The following PVR variants were observed in gnomAD, a reference collection of about 807,000 sequenced individuals.
PVR encodes the protein poliovirus receptor.
A neutral mutation model predicts 43.3 loss-of-function variants in PVR; 39 were observed. The observed-to-expected ratio is 0.90, with a 90% CI of 0.70 to 1.18. The LOEUF (loss-of-function observed/expected upper bound fraction) is 1.18, where lower values mean the gene tolerates loss of function less well. Ranked by LOEUF, PVR falls within the 50% of genes most tolerant of loss-of-function variation. PVR has a pLI of 0.00. For synonymous variants in PVR, 224 were observed against 233.2 expected (o/e 0.96, Z 0.36); for missense variants, 480 against 549.7 (o/e 0.87, Z 1.27).
chr19:44,646,716 G>A (rs900016792), intron 1 of PVR, among the ~76,000 whole-genome samples: 13 of 152,040 alleles, frequency 8.6e-5, no homozygotes, highest in African/African-American at 2.9e-4. Flanking sequence ...AGCTTGCAGT[G>A]AGCAGAGATC....
At position 44,647,347 on chromosome 19, in the gene PVR, G is replaced by A. The variant is rs1973153188; in HGVS notation, c.204G>A (p.Arg68=). ...ATGTGTCACAGCTGACTTGGGCGCG[G>A]CATGGTGAATCTGGCAGCATGGCCG... ...VTHVSQLTWA[R]HGESGSMAVF... The change falls in exon 2 of 8, where the codon CGG becomes CGA. Residue 68 remains arginine, a synonymous_variant. Coordinates refer to ENST00000425690, the MANE Select transcript of PVR (RefSeq NM_006505.5). 6.2e-7 allele frequency: 1 copy of A among 1,613,384 alleles called. No homozygotes were observed. Among genetic ancestry groups the A allele is most frequent in the African/African-American group, 1.3e-5 (1 of 74,922 alleles).
chr19:44,647,032 G>T (rs1973136283), intron 1 of PVR, among the ~76,000 whole-genome samples, 191 bp from the exon 2 acceptor site: 1 of 152,168 alleles, frequency 6.6e-6, no homozygotes, highest in African/African-American at 2.4e-5. Context: ...CATCCCAGAC[G>T]CCCTTACCCT....
intron 3 of PVR, 115 bp downstream of exon 3, chr19:44,650,220 C>G: frequency 5.8e-6 from 6 of 1,035,246 alleles, no homozygotes; most frequent in Non-Finnish European, 8.0e-6. Context: ...CACCGGCTCC[C>G]CTGACTCCTG....
Position 44,663,847 on chromosome 19 carries a change from G to C in PVR, c.*2036G>C, listed in dbSNP as rs543681430. On this transcript the variant is annotated 3_prime_UTR_variant, in exon 8 of 8. Coordinates refer to ENST00000425690, the MANE Select transcript of PVR (RefSeq NM_006505.5). ...ATAGCTCATTGCAGCCTCTAACTCC[G>C]GGGCTCAAGCAATCCTCCCACCTCA... Among the ~76,000 whole-genome samples the C allele has an allele frequency of 2.4e-4, 36 of 151,642 alleles. No individual in the cohort carries two copies. Among genetic ancestry groups the C allele is most frequent in the Admixed American group, 2.1e-3 (32 of 15,228 alleles).
rs1345713046 is a variant in PVR at position 44,664,662 on chromosome 19, A to G, written c.*2851A>G. 2.0e-5 allele frequency: 3 copies of G among 151,466 alleles called. No individual in the cohort carries two copies. 9.4% of individuals were successfully genotyped at this position (151,466 alleles called of 1,614,324 possible). On this transcript the variant is annotated 3_prime_UTR_variant, in exon 8 of 8. Coordinates refer to ENST00000425690, the MANE Select transcript of PVR (RefSeq NM_006505.5). ...GCATTTGTATCCTTTCCAGCCTTTC[A>G]CTATTACAATGTTGTAGTGAATAAC...
chr19:44,653,989 C>T lies in PVR; in HGVS notation c.814C>T (p.Pro272Ser), dbSNP rs1973358905. The T allele has an allele frequency of 6.2e-7, 1 of 1,613,892 alleles. No homozygotes were observed. Among genetic ancestry groups the T allele is most frequent in the African/African-American group, 1.3e-5 (1 of 74,946 alleles). ...CCTGACCTGCGATGCTCGCAGCAAC[C>T]CAGAGCCCACAGGCTATAATTGGAG... ...ATLTCDARSN[P>S]EPTGYNWSTT... The change falls in exon 4 of 8, where the codon CCA becomes TCA. Residue 272 changes from proline (P) to serine (S), a missense_variant. Physicochemically the swap from Pro to Ser is moderately conservative, Grantham distance 74. Transcript: ENST00000425690.
At chr19:44,646,602 T>C (rs1190288048) in intron 1 of PVR, among the ~76,000 whole-genome samples, 2 of 152,006 alleles carry the variant, frequency 1.3e-5, no homozygotes, top group Admixed American at 6.6e-5. Flanking sequence ...CCATCTCTGC[T>C]AAAAACAAAA....
chr19:44,660,596 C>A (rs1019634284), intron 6 of PVR, among the ~76,000 whole-genome samples: 5 of 152,108 alleles, frequency 3.3e-5, no homozygotes, highest in African/African-American at 1.2e-4. Context: ...GATCTTGGCT[C>A]ACTGCAGCCT....
chr19:44,654,538 T>TC (rs2123761709), intron 4 of PVR, among the ~76,000 whole-genome samples: 1 of 152,186 alleles, frequency 6.6e-6, no homozygotes, highest in South Asian at 2.1e-4. Context: ...GCCCGGTACT[T>TC]CCCCCGAATC....
At chr19:44,657,123 G>A (rs115050630) in intron 4 of PVR, among the ~76,000 whole-genome samples, 4,322 of 152,248 alleles carry the variant, frequency 0.028, 213 homozygotes, top group African/African-American at 0.098. Context: ...TGCCTAGGGG[G>A]AAAGCATTCC....
In PVR at chr19:44,647,250, A is replaced by G. The variant is rs200120420; in HGVS notation, c.107A>G (p.Gln36Arg). ...TGDVVVQAPT[Q>R]VPGFLGDSVT... ...GACGTCGTCGTGCAGGCGCCCACCC[A>G]GGTGCCCGGCTTCTTGGGCGACTCC... is the stretch of plus-strand genomic sequence containing the variant. Residue 36 changes from glutamine (Q) to arginine (R), a missense_variant, in exon 2 of 8, where the codon CAG (glutamine) becomes CGG (arginine). Transcript: ENST00000425690. 68 of 1,550,998 alleles carry G rather than the reference A, an allele frequency of 4.4e-5. No individual in the cohort carries two copies. The East Asian group carries it at 1.6e-3, about 36-fold the overall frequency.
In PVR at chr19:44,658,743, G is replaced by A. The variant is rs549132113; in HGVS notation, c.993G>A (p.Glu331=). Residue 331 remains glutamate (E), a splice_region_variant and synonymous_variant, in exon 6 of 8, where the codon GAG becomes GAA. Transcript: ENST00000425690. ...RQAELTVQVK[E]GPPSEHSGMS... Reference sequence around the variant, plus strand: ...AATACCTGTTTCCTTCTCTTTCAGAGGGACCTCCCAGTGAGCACTCAGGCA... The same window carrying A: ...AATACCTGTTTCCTTCTCTTTCAGAAGGACCTCCCAGTGAGCACTCAGGCA... 32 of 1,603,342 alleles carry A rather than the reference G, an allele frequency of 2.0e-5. No individual in the cohort carries two copies. The African/African-American group carries it at 4.3e-4, about 21-fold the overall frequency.
intron 4 of PVR, among the ~76,000 whole-genome samples, chr19:44,654,917 G>A (rs1275407169): frequency 6.6e-6 from 1 of 152,110 alleles, no homozygotes; most frequent in Non-Finnish European, 1.5e-5. Flanking sequence ...ATCTCTGGAT[G>A]GAGCAAGTAC....
chr19:44,649,495 T>C (rs1973219325), intron 2 of PVR, among the ~76,000 whole-genome samples: 1 of 142,002 alleles, frequency 7.0e-6, no homozygotes, highest in African/African-American at 2.7e-5. Flanking sequence ...AGTGACACAA[T>C]CTCAGCTCAC....
rs151295216 is a variant in PVR at position 44,663,061 on chromosome 19, A to G, written c.*1250A>G. 1.6e-3 allele frequency: 248 copies of G among 152,440 alleles called. No homozygotes were observed. The highest frequency in any genetic ancestry group is 5.7e-3 in the African/African-American group (236 of 41,574). The allele number at this position is 152,440 out of a possible 1,614,324, so 9.4% of individuals were successfully genotyped here. On this transcript the variant is annotated 3_prime_UTR_variant, in exon 8 of 8. Coordinates refer to ENST00000425690, the MANE Select transcript of PVR (RefSeq NM_006505.5). ...TGGGACTGGCAGGAAATAACCCACA[A>G]AAGAAGCAAATGCAATTTCCAACAC...
chr19:44,654,133 C>T (rs951779329), intron 4 of PVR, 116 bp downstream of exon 4: 14 of 801,504 alleles, frequency 1.7e-5, no homozygotes, highest in Non-Finnish European at 2.8e-5. Flanking sequence ...GGGGCCCGGA[C>T]CCCTGGGTCT....
At chr19:44,648,177 G>C (rs559038554) in intron 2 of PVR, among the ~76,000 whole-genome samples, 1 of 152,312 alleles carries the variant, frequency 6.6e-6, no homozygotes, top group East Asian at 1.9e-4. Flanking sequence ...CCTGTTGACA[G>C]ACAAGGAAAC....
At chr19:44,644,294 C>G (rs1401595271) in intron 1 of PVR, 119 bp downstream of exon 1, 3 of 698,474 alleles carry the variant, frequency 4.3e-6, no homozygotes, top group South Asian at 4.2e-5. Context: ...CACCCACCCC[C>G]CATCTCTGCC....
chr19:44,656,068 C>T (rs956794825), intron 4 of PVR, among the ~76,000 whole-genome samples: 2 of 151,806 alleles, frequency 1.3e-5, no homozygotes, highest in African/African-American at 4.8e-5. Flanking sequence ...GCTGGGATTC[C>T]ACCACTTTAA....
Sources: gnomAD v4.1 joint callset for allele counts (sites outside exome capture counted in the v4.1 genomes callset) on GRCh38, gnomAD v4.1.1 for gene constraint, MANE v1.5 for transcripts, NCBI Gene and HGNC (gene_info 2026-07-23, HGNC 2026-07-21) for gene names.